The following PAPPA2 variants were observed in gnomAD, a reference collection of about 807,000 sequenced individuals.
PAPPA2 encodes pappalysin-2.
In PAPPA2, 86 loss-of-function variants were observed where a neutral mutation model predicts 176.4. That is an observed-to-expected ratio of 0.49 (90% CI 0.41 to 0.58). The LOEUF (loss-of-function observed/expected upper bound fraction) is 0.58. PAPPA2 is among the 20% of genes least tolerant of loss of function. The pLI, the probability that PAPPA2 is intolerant of heterozygous loss-of-function variation, is 0.00. For synonymous variants in PAPPA2, 809 were observed against 852.2 expected, an observed-to-expected ratio of 0.95 and a Z score of 0.88; for missense variants, 2,073 against 2,256.9, an observed-to-expected ratio of 0.92 and a Z score of 1.65.
At chr1:176,793,086 C>T (rs558484212) in intron 19 of PAPPA2, among the ~76,000 whole-genome samples, 138 of 152,282 alleles carry the variant, frequency 9.1e-4, no homozygotes, top group African/African-American at 3.2e-3. Context: ...ACCACCACCA[C>T]CACCAGCATG....
chr1:176,622,001 G>T (rs1004004133), intron 3 of PAPPA2, among the ~76,000 whole-genome samples: 8 of 151,824 alleles, frequency 5.3e-5, no homozygotes, highest in African/African-American at 1.7e-4. Context: ...TAGAATTAGG[G>T]TTTAGAACAC....
intron 3 of PAPPA2, among the ~76,000 whole-genome samples, chr1:176,633,476 G>A (rs1656473327): frequency 6.6e-6 from 1 of 152,124 alleles, no homozygotes. Flanking sequence ...TGGTTTAAGA[G>A]GGTAGGGAAC....
At chr1:176,587,530 C>T (rs1653389800) in intron 2 of PAPPA2, among the ~76,000 whole-genome samples, 1 of 152,120 alleles carries the variant, frequency 6.6e-6, no homozygotes, top group Non-Finnish European at 1.5e-5. Flanking sequence ...TTCCCAGCAC[C>T]ATTTACTGAA....
intron 2 of PAPPA2, among the ~76,000 whole-genome samples, chr1:176,564,825 TATCTC>T (rs371394978): frequency 5.3e-5 from 8 of 152,034 alleles, no homozygotes; most frequent in African/African-American, 1.7e-4. Context: ...CTTACAGACT[TATCTC>T]AACCTATTAT....
chr1:176,779,913 T>C (rs576891323), intron 17 of PAPPA2, among the ~76,000 whole-genome samples: 1 of 152,108 alleles, frequency 6.6e-6, no homozygotes, highest in Non-Finnish European at 1.5e-5. Flanking sequence ...CCCTTTTCAG[T>C]CAGGGCAACG....
intron 5 of PAPPA2, chr1:176,690,996 C>A: frequency 1.0e-6 from 1 of 985,272 alleles, no homozygotes; most frequent in Non-Finnish European, 1.2e-6. Flanking sequence ...CCTTTCCCCA[C>A]CAAAAGGTGA....
intron 21 of PAPPA2, among the ~76,000 whole-genome samples, chr1:176,837,139 A>T (rs548489977): frequency 1.3e-5 from 2 of 152,158 alleles, no homozygotes; most frequent in Non-Finnish European, 2.9e-5. Context: ...GTATTCCACC[A>T]CTTGCACACA....
At chr1:176,736,967 A>G (rs1276792835) in intron 12 of PAPPA2, among the ~76,000 whole-genome samples, 1 of 152,012 alleles carries the variant, frequency 6.6e-6, no homozygotes, top group Non-Finnish European at 1.5e-5. Flanking sequence ...TAGGCTATAC[A>G]TTTCAGAAAA....
At chr1:176,712,012 G>A in intron 12 of PAPPA2, 31 bp downstream of exon 12, 1 of 1,597,144 alleles carries the variant, frequency 6.3e-7, no homozygotes, top group African/African-American at 1.4e-5. Context: ...TTTTGTGCAT[G>A]TGAAAGGTGT....
At chr1:176,683,746 C>G (rs895652437) in intron 4 of PAPPA2, among the ~76,000 whole-genome samples, 5 of 152,074 alleles carry the variant, frequency 3.3e-5, no homozygotes, top group Admixed American at 2.6e-4. Flanking sequence ...GTTGCCCTTC[C>G]TATTTAGCTC....
Position 176,775,239 on chromosome 1 carries a change from T to C in PAPPA2, c.4715+4059T>C, listed in dbSNP as rs562028933. ...GTGTGCCCAGTGACTAGCTACTTATTGGCAGGTATTCAATACTTTCTAAAT... is the reference window on the plus strand; with the variant it reads ...GTGTGCCCAGTGACTAGCTACTTATCGGCAGGTATTCAATACTTTCTAAAT... On this transcript the variant is annotated intron_variant, in intron 17 of 22. Transcript: ENST00000367662. Among the ~76,000 whole-genome samples, 71 of 152,248 alleles carry C rather than the reference T, an allele frequency of 4.7e-4. 1 individual carries two copies. Among genetic ancestry groups the C allele is most frequent in the Non-Finnish European group, 7.4e-5 (5 of 68,006 alleles).
intron 4 of PAPPA2, among the ~76,000 whole-genome samples, chr1:176,677,189 C>T (rs910611338): frequency 6.6e-6 from 1 of 152,042 alleles, no homozygotes; most frequent in South Asian, 2.1e-4. Flanking sequence ...GCTGGCATAA[C>T]GTGATAGAGG....
intron 1 of PAPPA2, among the ~76,000 whole-genome samples, chr1:176,546,402 C>A (rs976977519): frequency 6.6e-6 from 1 of 152,078 alleles, no homozygotes; most frequent in Admixed American, 6.5e-5. Context: ...GGCAATCAGT[C>A]CTGGATAAGA....
intron 4 of PAPPA2, among the ~76,000 whole-genome samples, chr1:176,687,044 T>C (rs891671663): frequency 6.6e-6 from 1 of 152,194 alleles, no homozygotes; most frequent in Non-Finnish European, 1.5e-5. Flanking sequence ...CATCCTGAAA[T>C]TAGAGCAATA....
At chr1:176,731,593 T>C (rs987866171) in intron 12 of PAPPA2, among the ~76,000 whole-genome samples, 3 of 152,024 alleles carry the variant, frequency 2.0e-5, no homozygotes, top group Non-Finnish European at 4.4e-5. Flanking sequence ...ATTACAGAAG[T>C]GAGCCACCAT....
chr1:176,501,071 T>G (rs1236794163), intron 1 of PAPPA2, among the ~76,000 whole-genome samples: 1 of 148,320 alleles, frequency 6.7e-6, no homozygotes, highest in Non-Finnish European at 1.5e-5. Context: ...GTATATATAA[T>G]AGAATATATT....
chr1:176,515,202 C>T (rs1261268039), intron 1 of PAPPA2, among the ~76,000 whole-genome samples: 1 of 152,136 alleles, frequency 6.6e-6, no homozygotes, highest in Non-Finnish European at 1.5e-5. Context: ...TAGCAAATAT[C>T]ATCATTATCA....
chr1:176,786,566 T>G (rs1664942237), intron 17 of PAPPA2, among the ~76,000 whole-genome samples: 1 of 152,244 alleles, frequency 6.6e-6, no homozygotes, highest in South Asian at 2.1e-4. Context: ...ACTTCTTTTT[T>G]GCCCACTTAT....
intron 21 of PAPPA2, among the ~76,000 whole-genome samples, chr1:176,832,029 T>C (rs1218752032): frequency 6.6e-6 from 1 of 152,152 alleles, no homozygotes; most frequent in East Asian, 1.9e-4. Flanking sequence ...TTGACTAAAG[T>C]GTTGGTGGCA....
Sources: allele counts gnomAD v4.1 joint callset (sites outside exome capture counted in the v4.1 genomes callset), GRCh38; gene constraint gnomAD v4.1.1; transcripts MANE v1.5; gene names NCBI Gene and HGNC (gene_info 2026-07-23, HGNC 2026-07-21).